Variants in RMDN2 observed in about 807,000 individuals in gnomAD.
The protein encoded by RMDN2 is regulator of microtubule dynamics protein 2.
RMDN2 carries 61 observed loss-of-function variants against 52.8 expected under a neutral mutation model. The ratio of observed to expected loss-of-function variants is 1.16; its 90% CI spans 0.94 to 1.43. RMDN2 has a LOEUF of 1.43. RMDN2 is among the 40% of genes most tolerant of loss of function. The pLI, the probability that RMDN2 is intolerant of heterozygous loss-of-function variation, is 0.00. For synonymous variants in RMDN2, 180 were observed against 153.1 expected (o/e 1.18, Z -1.30); for missense variants, 592 against 475.3 (o/e 1.25, Z -2.28).
intron 2 of RMDN2, among the ~76,000 whole-genome samples, chr2:37,959,303 G>A (rs61379090): frequency 0.39 from 58,398 of 150,342 alleles, 13,058 homozygotes; most frequent in East Asian, 0.78. Context: ...TGGTTGGTAG[G>A]CTATTAATTA....
intron 2 of RMDN2, among the ~76,000 whole-genome samples, chr2:37,935,362 T>C (rs985191913): frequency 6.6e-6 from 1 of 152,230 alleles, no homozygotes; most frequent in Non-Finnish European, 1.5e-5. Flanking sequence ...TTCATTTGTG[T>C]TTTTACTCTT....
At chr2:38,032,964 A>C (rs1472868469) in intron 10 of RMDN2, 3 of 152,244 alleles carry the variant, frequency 2.0e-5, no homozygotes, top group Non-Finnish European at 4.4e-5. Flanking sequence ...CAGTAAGTAT[A>C]CATTAGCTTT....
intron 2 of RMDN2, among the ~76,000 whole-genome samples, chr2:37,967,373 T>C (rs1052453353): frequency 6.6e-6 from 1 of 152,222 alleles, no homozygotes; most frequent in African/African-American, 2.4e-5. Context: ...TTGAAGCATT[T>C]CTTTAAGGAA....
At chr2:38,051,383 G>A (rs1299908553) in intron 10 of RMDN2, among the ~76,000 whole-genome samples, 1 of 152,118 alleles carries the variant, frequency 6.6e-6, no homozygotes. Flanking sequence ...AATTTTGAGT[G>A]ACTGTTCTTT....
intron 7 of RMDN2, among the ~76,000 whole-genome samples, chr2:37,993,946 G>C (rs1164701287): frequency 1.3e-5 from 2 of 152,140 alleles, no homozygotes; most frequent in Non-Finnish European, 2.9e-5. Context: ...TACCTGTCTA[G>C]ACTTAAAAGC....
In RMDN2 at chr2:37,951,573, T is replaced by C. The variant is rs146307813; in HGVS notation, c.452+21844T>C. On this transcript the variant is annotated intron_variant, in intron 2 of 10. Transcript: ENST00000354545. ...ATCTTCCTCAGACCATTGTGGTAGC[T>C]TTATTTCCCGCAGAAGACGTTTCTC... is the stretch of plus-strand genomic sequence containing the variant. 40 of 1,612,954 alleles carry C rather than the reference T, an allele frequency of 2.5e-5. No individual in the cohort carries two copies. In the African/African-American group the frequency reaches 4.0e-4, roughly 16 times the overall value.
chr2:38,066,781 C>T (rs888099445), intron 10 of RMDN2: 30 of 557,520 alleles, frequency 5.4e-5, no homozygotes, highest in African/African-American at 4.9e-4. Flanking sequence ...AATATTTTTC[C>T]CATGAAAATA....
intron 10 of RMDN2, among the ~76,000 whole-genome samples, chr2:38,061,548 T>C (rs1371287729): frequency 6.6e-6 from 1 of 151,838 alleles, no homozygotes; most frequent in Non-Finnish European, 1.5e-5. Context: ...AGAGGAAGCT[T>C]GTCCTTAATG....
rs1025050129 is a variant in RMDN2 at position 38,017,043 on chromosome 2, A to G, written c.1180-143A>G. On this transcript the variant is annotated intron_variant, in intron 10 of 10. Coordinates refer to ENST00000354545, the MANE Select transcript of RMDN2 (RefSeq NM_001170791.3). ...GTCAATGTCCTGAATTAGGGAAAGT[A>G]TTTGGTGATTGCACGTACCCTCATG... 4.4e-5 allele frequency: 17 copies of G among 388,536 alleles called. No homozygotes were observed. In the East Asian group the frequency reaches 6.4e-4, roughly 15 times the overall value. The allele number at this position is 388,536 out of a possible 1,614,324, so 24.1% of individuals were successfully genotyped here.
At chr2:37,951,739 T>C (rs1427276589) in intron 2 of RMDN2, 3 of 1,612,670 alleles carry the variant, frequency 1.9e-6, no homozygotes, top group Non-Finnish European at 2.5e-6. Context: ...AAAAAACATA[T>C]AACCATCTCT....
intron 10 of RMDN2, among the ~76,000 whole-genome samples, chr2:38,054,481 G>A (rs1458525320): frequency 6.6e-6 from 1 of 152,204 alleles, no homozygotes; most frequent in Non-Finnish European, 1.5e-5. Flanking sequence ...CATCATAGGT[G>A]ATGCATTATG....
intron 2 of RMDN2, among the ~76,000 whole-genome samples, chr2:37,966,054 A>T (rs577242801): frequency 6.6e-6 from 1 of 152,238 alleles, no homozygotes; most frequent in African/African-American, 2.4e-5. Context: ...TTTTGTCTTT[A>T]GCATTCAGTA....
intron 8 of RMDN2, among the ~76,000 whole-genome samples, chr2:37,998,607 A>T (rs1675893529): frequency 6.6e-6 from 1 of 152,150 alleles, no homozygotes. Flanking sequence ...CTGAGAGGGA[A>T]TTTGTAGATC....
At chr2:37,981,186 T>G in intron 4 of RMDN2, 97 bp from the exon 5 acceptor site, 1 of 805,882 alleles carries the variant, frequency 1.2e-6, no homozygotes, top group Non-Finnish European at 2.2e-6. Flanking sequence ...ATGCTTCTGG[T>G]CTTGGGACCA....
chr2:37,961,442 C>A (rs1426486434), intron 2 of RMDN2, among the ~76,000 whole-genome samples: 2 of 151,754 alleles, frequency 1.3e-5, no homozygotes, highest in African/African-American at 2.4e-5. Context: ...TTAAGTTAAT[C>A]TGCAATCTCT....
At chr2:38,034,293 T>C (rs867138837) in intron 10 of RMDN2, among the ~76,000 whole-genome samples, 4 of 152,196 alleles carry the variant, frequency 2.6e-5, no homozygotes, top group African/African-American at 4.8e-5. Context: ...ACAGGCCACA[T>C]AGGCTCACCC....
chr2:37,950,348 A>C, intron 2 of RMDN2: 2 of 1,123,276 alleles, frequency 1.8e-6, no homozygotes, highest in African/African-American at 1.5e-5. Flanking sequence ...TTCCACAGCC[A>C]TGTGAATTCC....
intron 2 of RMDN2, chr2:37,951,872 A>G: frequency 6.2e-7 from 1 of 1,613,550 alleles, no homozygotes; most frequent in Non-Finnish European, 8.5e-7. Flanking sequence ...TTTCTCTTGC[A>G]AGTGATATTT....
In RMDN2 at chr2:38,007,210, CTGGCCT is replaced by C. The variant is rs1677232946; in HGVS notation, c.1179+2995_1179+3000del. The stretch of plus-strand genomic sequence containing the variant: ...GCCAGGCTTTGGTATCAGGATGATG[CTGGCCT>C]CATAAAATGAGTTAGGGAGGATTCC... On this transcript the variant is annotated intron_variant, in intron 10 of 10. Transcript: ENST00000354545. Among the ~76,000 whole-genome samples the C allele has an allele frequency of 1.3e-5, 2 of 152,174 alleles. 1 individual carries two copies. Among genetic ancestry groups the C allele is most frequent in the South Asian group, 4.1e-4 (2 of 4,832 alleles).
Sources: gnomAD v4.1 joint callset for allele counts (sites outside exome capture counted in the v4.1 genomes callset) on GRCh38, gnomAD v4.1.1 for gene constraint, MANE v1.5 for transcripts, NCBI Gene and HGNC (gene_info 2026-07-23, HGNC 2026-07-21) for gene names.